Variants in NEB observed in about 807,000 individuals in gnomAD.
NEB encodes the protein nebulin, also known as nemaline myopathy type 2.
Under a neutral mutation model 952.2 loss-of-function variants are expected in NEB, and 512 were observed. The observed-to-expected ratio is 0.54, with a 90% CI of 0.50 to 0.58. The LOEUF (loss-of-function observed/expected upper bound fraction) is 0.58, where lower values mean the gene tolerates loss of function less well. NEB is among the 20% of genes least tolerant of loss of function. The pLI is 0.00. For synonymous variants in NEB, 2,900 were observed against 3,149.8 expected, an observed-to-expected ratio of 0.92 and a Z score of 2.66; for missense variants, 8,428 against 9,231.1, an observed-to-expected ratio of 0.91 and a Z score of 3.56.
chr2:151,544,570 C>T (rs1033596642), intron 135 of NEB, among the ~76,000 whole-genome samples: 14 of 152,152 alleles, frequency 9.2e-5, no homozygotes, highest in South Asian at 2.1e-4. Flanking sequence ...ATAAAAATAA[C>T]GTAAGCGTTC....
At chr2:151,647,810 G>A (rs985609082) in intron 54 of NEB, among the ~76,000 whole-genome samples, 10 of 152,182 alleles carry the variant, frequency 6.6e-5, no homozygotes, top group African/African-American at 2.4e-4. Flanking sequence ...GCAACCTGTG[G>A]TCTTGGATTA....
intron 28 of NEB, among the ~76,000 whole-genome samples, chr2:151,683,541 G>C (rs1360427067): frequency 6.6e-6 from 1 of 152,138 alleles, no homozygotes; most frequent in Non-Finnish European, 1.5e-5. Flanking sequence ...TGATCTATTT[G>C]AGATGAAAAA....
chr2:151,663,925 T>C (rs1227533877), intron 44 of NEB, 66 bp from the exon 45 acceptor site: 10 of 1,478,970 alleles, frequency 6.8e-6, no homozygotes, highest in Non-Finnish European at 9.2e-6. Flanking sequence ...ATTTGCTAGG[T>C]GATGTGAGCT....
chr2:151,562,893 A>C (rs2096160408), intron 119 of NEB, 85 bp from the exon 120 acceptor site: 1 of 832,238 alleles, frequency 1.2e-6, no homozygotes, highest in African/African-American at 1.7e-5. Flanking sequence ...TATTTCCCAT[A>C]TAGATCAGTA....
Position 151,677,674 on chromosome 2 carries a change from G to A in NEB, c.3665C>T (p.Ala1222Val). 1 of 1,613,900 alleles carries A rather than the reference G, an allele frequency of 6.2e-7. No homozygotes were observed. The highest frequency in any genetic ancestry group is 8.5e-7 in the Non-Finnish European group (1 of 1,179,854). The change falls in exon 34 of 182, where the codon GCT (alanine) becomes GTT (valine). Residue 1222 changes from alanine to valine, a missense_variant. Around this residue, in one of 11 missense-constraint regions of NEB, gnomAD observed 2,851 missense variants for 2,791.5 expected, o/e 1.02. Transcript: ENST00000397345. ...DVEKVKKAGD[A>V]LNEKKYRQHP... is the part of the protein sequence containing the mutation. ...TTGCCTGTACTTCTTTTCATTCAGA[G>A]CATCACCGGCCTTTTTAACTTTTTC...
In NEB at chr2:151,663,789, G is replaced by A. The variant is rs2099172727; in HGVS notation, c.5522C>T (p.Pro1841Leu). 1.2e-6 allele frequency: 2 copies of A among 1,613,794 alleles called. No individual in the cohort carries two copies. The highest frequency in any genetic ancestry group is 1.7e-4 in the Middle Eastern group (1 of 6,058). Residue 1841 changes from proline to leucine, a missense_variant, in exon 45 of 182, where the codon CCC (proline) becomes CTC (leucine). Transcript: ENST00000397345. The stretch of plus-strand genomic sequence containing the variant: ...CACTTGCATGAAGTGCACCAGCTTG[G>A]GGTCATCTTCCAGGCTCCGGAAGCC... ...HIGFRSLEDD[P>L]KLVHFMQVAK...
intron 54 of NEB, among the ~76,000 whole-genome samples, chr2:151,647,754 G>A (rs2098979135): frequency 6.6e-6 from 1 of 152,182 alleles, no homozygotes; most frequent in African/African-American, 2.4e-5. Flanking sequence ...AAGAAACAGT[G>A]AGGAACTAGT....
chr2:151,617,487 A>AG lies in NEB; in HGVS notation c.11077-20_11077-19insC, dbSNP rs1553905611. On this transcript the variant is annotated intron_variant, in intron 74 of 181. Transcript: ENST00000397345. ...ATAAGCGCTACAAAAAAAAAAAAAAAAGAGAGAGAGAGAGAGAAAAATTAT... is the reference window on the plus strand; with the variant it reads ...ATAAGCGCTACAAAAAAAAAAAAAAAGAGAGAGAGAGAGAGAGAAAAATTAT... The AG allele has an allele frequency of 6.9e-3, 7,090 of 1,025,022 alleles. No individual in the cohort carries two copies. The highest frequency in any genetic ancestry group is 0.012 in the East Asian group (401 of 33,678). The allele number at this position is 1,025,022 out of a possible 1,614,324, so 63.5% of individuals were successfully genotyped here.
At chr2:151,706,304 C>T (rs2099706003) in intron 13 of NEB, among the ~76,000 whole-genome samples, 2 of 152,244 alleles carry the variant, frequency 1.3e-5, no homozygotes, top group Middle Eastern at 3.4e-3. Flanking sequence ...CAAACCTAAC[C>T]GTAAGAGATA....
intron 181 of NEB, among the ~76,000 whole-genome samples, chr2:151,488,817 CCTTT>C (rs2053529231): frequency 6.6e-6 from 1 of 152,054 alleles, no homozygotes; most frequent in Non-Finnish European, 1.5e-5. Context: ...ATAACTTACC[CCTTT>C]CTTGCTGATT....
chr2:151,516,665 G>C, intron 156 of NEB, 102 bp from the exon 157 acceptor site: 1 of 761,274 alleles, frequency 1.3e-6, no homozygotes, highest in Non-Finnish European at 2.3e-6. Flanking sequence ...CAATTGGATG[G>C]CATCTCATTG....
chr2:151,680,857 A>G, intron 29 of NEB, 29 bp from the exon 30 acceptor site: 2 of 1,522,176 alleles, frequency 1.3e-6, no homozygotes, highest in Non-Finnish European at 1.8e-6. Context: ...AGAGAAAAAC[A>G]ATCTTGTTTT....
At position 151,691,903 on chromosome 2, in the gene NEB, T is replaced by C. The variant is rs2149152300; in HGVS notation, c.2172A>G (p.Gln724=). Reference sequence around the variant, plus strand: ...CCAGCTTCTTGATTGCTTCATATTCTTGTGTTATTGTCTGAGGGAAATAGC... The same window carrying C: ...CCAGCTTCTTGATTGCTTCATATTCCTGTGTTATTGTCTGAGGGAAATAGC... ...GKCYFPQTIT[Q]EYEAIKKLDQ... The change falls in exon 23 of 182, where the codon CAA becomes CAG. Residue 724 remains glutamine, a synonymous_variant. Transcript: ENST00000397345. The C allele has an allele frequency of 6.2e-7, 1 of 1,605,402 alleles. No individual in the cohort carries two copies. Among genetic ancestry groups the C allele is most frequent in the Non-Finnish European group, 8.5e-7 (1 of 1,174,816 alleles).
intron 107 of NEB, among the ~76,000 whole-genome samples, 168 bp from the exon 108 acceptor site, chr2:151,570,769 A>G (rs962401180): frequency 1.3e-5 from 2 of 152,202 alleles, no homozygotes; most frequent in Non-Finnish European, 2.9e-5. Context: ...GTCCTGGAAC[A>G]TGTAATGGTG....
chr2:151,495,725 A>T (rs1365188307), intron 173 of NEB, among the ~76,000 whole-genome samples: 1 of 116,972 alleles, frequency 8.5e-6, no homozygotes. Flanking sequence ...CATTCTGGTG[A>T]CACTTTCATT....
chr2:151,707,465 T>C (rs1286228882), intron 12 of NEB, among the ~76,000 whole-genome samples: 2 of 152,230 alleles, frequency 1.3e-5, no homozygotes, highest in Non-Finnish European at 2.9e-5. Context: ...CACGCTTTTA[T>C]GCCTCACCTG....
chr2:151,625,600 T>C lies in NEB; in HGVS notation c.10386A>G (p.Gln3462=), dbSNP rs749927128. 1.9e-5 allele frequency: 30 copies of C among 1,606,526 alleles called. No individual in the cohort carries two copies. In the South Asian group the frequency reaches 3.3e-4, roughly 18 times the overall value. ...CAGGTGTATCAGGCATAATATGGAC[T>C]TGGGTCTTGTCTTTGTCCCAGGCTT... ...YTEAWDKDKT[Q]VHIMPDTPEI... is the part of the protein sequence containing the mutation. The change falls in exon 71 of 182, where the codon CAA becomes CAG. Residue 3462 remains glutamine, a synonymous_variant. Coordinates refer to ENST00000397345, the MANE Select transcript of NEB (RefSeq NM_001164508.2).
intron 141 of NEB, 52 bp from the exon 142 acceptor site, chr2:151,535,847 A>G: frequency 1.1e-6 from 1 of 920,218 alleles, no homozygotes. Context: ...TTATCTTAAG[A>G]ATGAGACATG....
chr2:151,524,741 A>G (rs1001515642), intron 151 of NEB, 125 bp from the exon 152 acceptor site: 3 of 745,630 alleles, frequency 4.0e-6, no homozygotes, highest in Non-Finnish European at 6.3e-6. Context: ...ATCTCAGCTC[A>G]CTGCAACTTC....
Sources: allele counts gnomAD v4.1 joint callset (sites outside exome capture counted in the v4.1 genomes callset), GRCh38; gene constraint gnomAD v4.1.1; regional missense constraint gnomAD v4.1.1; transcripts MANE v1.5; gene names NCBI Gene and HGNC (gene_info 2026-07-23, HGNC 2026-07-21).